Variants in DOCK9 observed in about 807,000 individuals in gnomAD.
The protein encoded by DOCK9 is dedicator of cytokinesis 9.
In DOCK9, 89 loss-of-function variants were observed where a neutral mutation model predicts 263.3. The ratio of observed to expected loss-of-function variants is 0.34; its 90% CI spans 0.28 to 0.40. DOCK9 has a LOEUF of 0.40. Among genes scored for constraint, DOCK9 ranks in the 10% least tolerant of loss-of-function variants. DOCK9 has a pLI of 1.00. For missense variants in DOCK9, 2,140 were observed against 2,603.4 expected, an observed-to-expected ratio of 0.82 and a Z score of 3.87; for synonymous variants, 976 against 973.1, an observed-to-expected ratio of 1.00 and a Z score of -0.06.
At chr13:98,923,185 C>T in intron 5 of DOCK9, 117 bp downstream of exon 5, 1 of 901,452 alleles carries the variant, frequency 1.1e-6, no homozygotes, top group East Asian at 2.4e-5. Flanking sequence ...TTTCATGTAA[C>T]ACTCCAATGC....
intron 1 of DOCK9, among the ~76,000 whole-genome samples, chr13:99,047,236 A>AT (rs1284655717): frequency 6.6e-6 from 1 of 152,144 alleles, no homozygotes; most frequent in African/African-American, 2.4e-5. Flanking sequence ...AAAAGTACAT[A>AT]TTTTTTATTT....
chr13:98,864,948 C>T (rs1018907535), intron 30 of DOCK9, among the ~76,000 whole-genome samples: 13 of 152,158 alleles, frequency 8.5e-5, no homozygotes, highest in Non-Finnish European at 1.9e-4. Context: ...ATGCTGGCTC[C>T]CCCCTTGCCC....
At chr13:98,800,666 C>T (rs1234825793) in intron 49 of DOCK9, among the ~76,000 whole-genome samples, 188 bp from the exon 50 acceptor site, 6 of 152,150 alleles carry the variant, frequency 3.9e-5, no homozygotes, top group Non-Finnish European at 7.4e-5. Flanking sequence ...CCTTTACAAT[C>T]GTGTGTCTCG....
chr13:99,067,977 T>C (rs1233983589), intron 1 of DOCK9, among the ~76,000 whole-genome samples: 1 of 150,068 alleles, frequency 6.7e-6, no homozygotes, highest in Non-Finnish European at 1.5e-5. Flanking sequence ...TCAAATAGAG[T>C]TCCCTAAGCC....
rs1400795255 is a variant in DOCK9, at chr13:98,888,676, C to A, written c.1745G>T (p.Gly582Val). The A allele has an allele frequency of 6.2e-7, 1 of 1,613,800 alleles. No individual in the cohort carries two copies. Among genetic ancestry groups the A allele is most frequent in the Non-Finnish European group, 8.5e-7 (1 of 1,179,830 alleles). ...ATTATCAATTGTAATGTCTAGATTGCCTAAAATCACTGGGAGCTTAGCCAT... is the reference window on the plus strand; with the variant it reads ...ATTATCAATTGTAATGTCTAGATTGACTAAAATCACTGGGAGCTTAGCCAT... The part of the protein sequence containing the change: ...EKMAKLPVIL[G>V]NLDITIDNVS... Residue 582 changes from glycine to valine, a missense_variant, in exon 16 of 53, where the codon GGC becomes GTC. By Grantham distance (109) the Gly-to-Val change is moderately radical. This residue lies in a region of DOCK9 where 1,521 missense variants were observed against 1,741.7 expected (regional missense o/e 0.87). Coordinates refer to ENST00000682017, the MANE Select transcript of DOCK9 (RefSeq NM_001366683.2).
At chr13:98,840,905 T>A (rs991873758) in intron 38 of DOCK9, among the ~76,000 whole-genome samples, 9 of 152,212 alleles carry the variant, frequency 5.9e-5, no homozygotes, top group Admixed American at 2.6e-4. Flanking sequence ...TAACAAGGAA[T>A]TTTCTTGCTG....
At chr13:99,081,421 T>C (rs975560719) in intron 1 of DOCK9, among the ~76,000 whole-genome samples, 2 of 152,210 alleles carry the variant, frequency 1.3e-5, no homozygotes, top group African/African-American at 4.8e-5. Flanking sequence ...TTTGTATTGT[T>C]GGAATTCAAA....
At chr13:98,994,699 A>G (rs1880603534) in intron 1 of DOCK9, among the ~76,000 whole-genome samples, 1 of 151,968 alleles carries the variant, frequency 6.6e-6, no homozygotes, top group South Asian at 2.1e-4. Flanking sequence ...AGATCAATTA[A>G]TTCATTGTTC....
chr13:99,008,230 A>ATTT (rs1177982728), intron 1 of DOCK9, among the ~76,000 whole-genome samples: 9 of 114,404 alleles, frequency 7.9e-5, no homozygotes, highest in South Asian at 6.6e-4. Flanking sequence ...ATATATATAT[A>ATTT]TATATTTTTT....
intron 47 of DOCK9, 46 bp downstream of exon 47, chr13:98,809,306 T>TG (rs762121672): frequency 1.1e-5 from 16 of 1,510,380 alleles, no homozygotes; most frequent in Middle Eastern, 3.5e-4. Context: ...TTTTTGTTTT[T>TG]TTTTAAAGGA....
At chr13:98,916,783 A>C (rs1221539828) in intron 7 of DOCK9, among the ~76,000 whole-genome samples, 1 of 152,216 alleles carries the variant, frequency 6.6e-6, no homozygotes, top group Non-Finnish European at 1.5e-5. Flanking sequence ...AGTGGAGAAA[A>C]AAACATTAGG....
intron 1 of DOCK9, among the ~76,000 whole-genome samples, chr13:98,999,002 C>A (rs370473052): frequency 1.3e-5 from 2 of 152,258 alleles, no homozygotes; most frequent in East Asian, 1.9e-4. Flanking sequence ...CTACGTGAAT[C>A]ACCTAACCAC....
At chr13:98,958,369 C>A (rs1167340201) in intron 1 of DOCK9, among the ~76,000 whole-genome samples, 1 of 152,260 alleles carries the variant, frequency 6.6e-6, no homozygotes, top group Non-Finnish European at 1.5e-5. Flanking sequence ...ACCACACTCT[C>A]CAGCTAGGCC....
chr13:98,893,253 C>T (rs1317443470), intron 15 of DOCK9, among the ~76,000 whole-genome samples: 1 of 152,098 alleles, frequency 6.6e-6, no homozygotes, highest in African/African-American at 2.4e-5. Flanking sequence ...AACACAGACA[C>T]ATTAAGCTGC....
At chr13:98,907,427 A>T (rs1470982313) in intron 9 of DOCK9, among the ~76,000 whole-genome samples, 2 of 152,248 alleles carry the variant, frequency 1.3e-5, no homozygotes, top group Admixed American at 1.3e-4. Context: ...AGAAATGAAT[A>T]AAGCAAGAAT....
chr13:98,905,943 T>C (rs2049025309), intron 9 of DOCK9, among the ~76,000 whole-genome samples: 1 of 152,178 alleles, frequency 6.6e-6, no homozygotes, highest in Admixed American at 6.5e-5. Flanking sequence ...ATGTCTTTCT[T>C]GGGTTATCAC....
intron 1 of DOCK9, among the ~76,000 whole-genome samples, chr13:99,031,366 C>G (rs1164005372): frequency 2.0e-5 from 3 of 152,220 alleles, no homozygotes; most frequent in African/African-American, 7.2e-5. Context: ...AGTCACCCAG[C>G]TGGTATCTGA....
chr13:99,007,651 T>A (rs1883585494), intron 1 of DOCK9, among the ~76,000 whole-genome samples: 3 of 152,108 alleles, frequency 2.0e-5, no homozygotes, highest in Non-Finnish European at 4.4e-5. Flanking sequence ...ATTTCAGAAC[T>A]CTCCTGGGAT....
intron 1 of DOCK9, among the ~76,000 whole-genome samples, chr13:99,076,670 G>C (rs1359050830): frequency 6.6e-6 from 1 of 152,150 alleles, no homozygotes; most frequent in Non-Finnish European, 1.5e-5. Context: ...GTGCAGGGAA[G>C]AGAAATTAGA....
Sources: gnomAD v4.1 joint callset for allele counts (sites outside exome capture counted in the v4.1 genomes callset) on GRCh38, gnomAD v4.1.1 for gene constraint, gnomAD v4.1.1 regional missense constraint, MANE v1.5 for transcripts, NCBI Gene and HGNC (gene_info 2026-07-23, HGNC 2026-07-21) for gene names.